CTDSPL2: variants seen among roughly 807,000 people sequenced by gnomAD.
CTDSPL2 encodes the protein CTD small phosphatase like 2, also known as CTD small phosphatase-like protein 2.
Under a neutral mutation model 60.0 loss-of-function variants are expected in CTDSPL2, and 5 were observed. The observed-to-expected ratio is 0.08, with a 90% CI of 0.04 to 0.18. The LOEUF is 0.18. CTDSPL2 is among the 10% of genes least tolerant of loss of function. The pLI, the probability that CTDSPL2 is intolerant of heterozygous loss-of-function variation, is 1.00. For missense variants in CTDSPL2, 370 were observed against 548.8 expected, an observed-to-expected ratio of 0.67 and a Z score of 3.26; for synonymous variants, 186 against 189.3, an observed-to-expected ratio of 0.98 and a Z score of 0.14.
At chr15:44,466,194 C>A (rs1422534853) in intron 2 of CTDSPL2, among the ~76,000 whole-genome samples, 1 of 152,146 alleles carries the variant, frequency 6.6e-6, no homozygotes, top group African/African-American at 2.4e-5. Flanking sequence ...GCCTCAGCCT[C>A]CCAAAGTGCT....
chr15:44,500,714 A>G (rs1173968910), intron 8 of CTDSPL2, among the ~76,000 whole-genome samples: 2 of 152,208 alleles, frequency 1.3e-5, no homozygotes, highest in Non-Finnish European at 2.9e-5. Flanking sequence ...TTCTTGGCAG[A>G]TAATAGTTGA....
Position 44,524,886 on chromosome 15 carries a change from T to A in CTDSPL2, c.*712T>A, listed in dbSNP as rs1289427979. 1.3e-5 allele frequency: 2 copies of A among 152,854 alleles called. No individual in the cohort carries two copies. Among genetic ancestry groups the A allele is most frequent in the East Asian group, 3.8e-4 (2 of 5,214 alleles). 9.5% of individuals were successfully genotyped at this position (152,854 alleles called of 1,614,324 possible). ...GCATTTATATTTTGTTTCTGTAATA[T>A]TCTACTGTAGGTGAAATCTTTTCAA... On this transcript the variant is annotated 3_prime_UTR_variant, in exon 13 of 13. Transcript: ENST00000260327.
intron 2 of CTDSPL2, among the ~76,000 whole-genome samples, chr15:44,470,764 G>C (rs1047562554): frequency 3.3e-5 from 5 of 151,900 alleles, no homozygotes; most frequent in Non-Finnish European, 5.9e-5. Flanking sequence ...GGCATATTTT[G>C]TCTATTTATA....
chr15:44,469,906 G>A (rs1249865284), intron 2 of CTDSPL2, among the ~76,000 whole-genome samples: 2 of 151,976 alleles, frequency 1.3e-5, no homozygotes, highest in Non-Finnish European at 2.9e-5. Context: ...GACCTTCCTG[G>A]CTAACACAGT....
At chr15:44,445,881 C>T (rs889191006) in intron 1 of CTDSPL2, among the ~76,000 whole-genome samples, 4 of 151,398 alleles carry the variant, frequency 2.6e-5, no homozygotes, top group African/African-American at 9.7e-5. Context: ...TCATGATCCA[C>T]CTGCCTCGGC....
At chr15:44,482,227 G>A (rs2081041372) in intron 2 of CTDSPL2, among the ~76,000 whole-genome samples, 1 of 152,036 alleles carries the variant, frequency 6.6e-6, no homozygotes, top group Non-Finnish European at 1.5e-5. Flanking sequence ...GCTCCCTGCA[G>A]CCTTGAACTC....
intron 9 of CTDSPL2, 31 bp downstream of exon 9, chr15:44,514,691 TTTTTA>T: frequency 6.4e-7 from 1 of 1,556,282 alleles, no homozygotes; most frequent in Non-Finnish European, 8.9e-7. Context: ...TACATATGTA[TTTTTA>T]TTTTATTCAA....
intron 8 of CTDSPL2, among the ~76,000 whole-genome samples, chr15:44,505,382 C>T (rs2081442722): frequency 6.6e-6 from 1 of 151,796 alleles, no homozygotes; most frequent in East Asian, 1.9e-4. Flanking sequence ...GTGATCACGC[C>T]ACTGCACTCC....
In CTDSPL2 at chr15:44,506,025, C is replaced by CTTTTTT. The variant is rs753896129; in HGVS notation, c.969+6229_969+6234dup. Among the ~76,000 whole-genome samples, 161 of 117,566 alleles carry CTTTTTT rather than the reference C, an allele frequency of 1.4e-3. 1 individual carries two copies. The highest frequency in any genetic ancestry group is 4.5e-3 in the African/African-American group (144 of 32,038). 77.1% of individuals were successfully genotyped at this position (117,566 alleles called of 152,430 possible). A position where few individuals can be genotyped will look rare whatever the true frequency, so the allele number is the denominator to read the frequency against. ...GATGAAAATTATGCTTCATTGGTAA[C>CTTTTTT]TTTTTTTTTTTTTTTTTTTTTTGAG... On this transcript the variant is annotated intron_variant, in intron 8 of 12. Transcript: ENST00000260327.
At position 44,474,635 on chromosome 15, in the gene CTDSPL2, C is replaced by A. The variant is rs545126155; in HGVS notation, c.187-9589C>A. Among the ~76,000 whole-genome samples the A allele has an allele frequency of 9.9e-5, 15 of 152,156 alleles. No homozygotes were observed. In the East Asian group the frequency reaches 2.9e-3, roughly 29 times the overall value. ...CTTTGGGAGGCTGAGGCAGGCGGAT[C>A]ACCTGAGGTCAAGAGTTCGAGACCA... is the stretch of plus-strand genomic sequence containing the variant. On this transcript the variant is annotated intron_variant, in intron 2 of 12. Coordinates refer to ENST00000260327, the MANE Select transcript of CTDSPL2 (RefSeq NM_016396.3).
chr15:44,510,477 A>G (rs571085253), intron 8 of CTDSPL2, among the ~76,000 whole-genome samples: 1 of 152,246 alleles, frequency 6.6e-6, no homozygotes, highest in South Asian at 2.1e-4. Flanking sequence ...TCCACAATAT[A>G]TTTGGTTTAC....
chr15:44,449,842 T>C (rs2080298186), intron 1 of CTDSPL2, among the ~76,000 whole-genome samples: 1 of 151,496 alleles, frequency 6.6e-6, no homozygotes, highest in South Asian at 2.1e-4. Flanking sequence ...AATACGAAAA[T>C]TTGCCAGGCA....
At chr15:44,448,555 A>G (rs2080268040) in intron 1 of CTDSPL2, 1 of 287,884 alleles carries the variant, frequency 3.5e-6, no homozygotes, top group Non-Finnish European at 6.8e-6. Context: ...GTGTATTACT[A>G]AGATTTCCTT....
At chr15:44,440,232 G>C (rs2080057577) in intron 1 of CTDSPL2, among the ~76,000 whole-genome samples, 1 of 144,738 alleles carries the variant, frequency 6.9e-6, no homozygotes, top group Non-Finnish European at 1.5e-5. Flanking sequence ...GTCTTGCTCT[G>C]TTGCCCAGGC....
chr15:44,502,790 C>T (rs188449500), intron 8 of CTDSPL2, among the ~76,000 whole-genome samples: 330 of 152,234 alleles, frequency 2.2e-3, no homozygotes, highest in Non-Finnish European at 3.4e-3. Context: ...ATTAGATCCA[C>T]AGTAATCTGG....
At chr15:44,507,561 A>T (rs1359232861) in intron 8 of CTDSPL2, among the ~76,000 whole-genome samples, 2 of 152,232 alleles carry the variant, frequency 1.3e-5, no homozygotes. Context: ...TCAGTGGGTT[A>T]TGAAATTGAG....
intron 1 of CTDSPL2, among the ~76,000 whole-genome samples, chr15:44,444,744 T>G (rs2080167623): frequency 6.6e-6 from 1 of 151,404 alleles, no homozygotes; most frequent in Admixed American, 6.6e-5. Flanking sequence ...TTTTTTTTTT[T>G]TTTGGCGTTT....
At chr15:44,491,672 T>TTTTG (rs1424889003) in intron 5 of CTDSPL2, among the ~76,000 whole-genome samples, 1 of 152,120 alleles carries the variant, frequency 6.6e-6, no homozygotes, top group Non-Finnish European at 1.5e-5. Flanking sequence ...CTTAAATTTG[T>TTTTG]TTTGTTTGTT....
At chr15:44,502,212 A>C (rs1463135778) in intron 8 of CTDSPL2, among the ~76,000 whole-genome samples, 1 of 152,066 alleles carries the variant, frequency 6.6e-6, no homozygotes, top group Non-Finnish European at 1.5e-5. Context: ...CATAGCGTGT[A>C]TCTGTATTAT....
Sources: allele counts gnomAD v4.1 joint callset (sites outside exome capture counted in the v4.1 genomes callset), GRCh38; gene constraint gnomAD v4.1.1; transcripts MANE v1.5; gene names NCBI Gene and HGNC (gene_info 2026-07-23, HGNC 2026-07-21).